EMCN: variants seen among roughly 807,000 people sequenced by gnomAD.
EMCN encodes the protein MUC-14.
Under a neutral mutation model 38.4 loss-of-function variants are expected in EMCN, and 37 were observed. The ratio of observed to expected loss-of-function variants is 0.96; its 90% CI spans 0.74 to 1.27. The LOEUF is 1.27. Among genes scored for constraint, EMCN ranks in the 50% most tolerant of loss-of-function variants. EMCN has a pLI of 0.00. For synonymous variants in EMCN, 95 were observed against 100.8 expected (o/e 0.94, Z 0.35); for missense variants, 318 against 302.8 (o/e 1.05, Z -0.37).
Position 100,421,309 on chromosome 4 carries a change from A to G in EMCN, c.637T>C (p.Tyr213His). The G allele has an allele frequency of 6.2e-7, 1 of 1,612,904 alleles. No homozygotes were observed. Among genetic ancestry groups the G allele is most frequent in the Middle Eastern group, 1.7e-4 (1 of 6,050 alleles). The change falls in exon 8 of 12, where the codon TAC becomes CAC. Residue 213 changes from tyrosine (Y) to histidine (H), a missense_variant. Physicochemically the swap from Tyr to His is moderately conservative, Grantham distance 83 (BLOSUM62 2). Coordinates refer to ENST00000296420, the MANE Select transcript of EMCN (RefSeq NM_016242.4). ...TLSVFVLVGLYRMCWKADPGT... is the reference protein window; with the variant it reads ...TLSVFVLVGLHRMCWKADPGT... Reference sequence around the variant, plus strand: ...GGATCTGCCTTCCAGCACATTCGGTACAAACCCACCAGAACAAATACTGAA... The same window carrying G: ...GGATCTGCCTTCCAGCACATTCGGTGCAAACCCACCAGAACAAATACTGAA...
chr4:100,399,489 T>C (rs1726198412), intron 11 of EMCN, among the ~76,000 whole-genome samples: 1 of 152,108 alleles, frequency 6.6e-6, no homozygotes, highest in Admixed American at 6.6e-5. Context: ...TTGGCGGCTA[T>C]GGCCTGCGGG....
chr4:100,501,699 A>G, intron 1 of EMCN, among the ~76,000 whole-genome samples: 1 of 152,132 alleles, frequency 6.6e-6, no homozygotes, highest in East Asian at 1.9e-4. Context: ...AATAATGCAC[A>G]TCTTTTATTA....
Position 100,475,100 on chromosome 4 carries a change from G to A in EMCN, c.197C>T (p.Thr66Ile). 6.7e-7 allele frequency: 1 copy of A among 1,503,530 alleles called. No homozygotes were observed. The allele number at this position is 1,503,530 out of a possible 1,614,324, so 93.1% of individuals were successfully genotyped here. A position where few individuals can be genotyped will look rare whatever the true frequency, so the allele number is the denominator to read the frequency against. Residue 66 changes from threonine to isoleucine, a missense_variant, in exon 3 of 12, where the codon ACC becomes ATC. Physicochemically the swap from Thr to Ile is moderately conservative, Grantham distance 89. Coordinates refer to ENST00000296420, the MANE Select transcript of EMCN (RefSeq NM_016242.4). ...CAGAGACATTTTAAGTAATTCATTG[G>A]TGATTGTTCCTAGTTTGATAAAATA... is the stretch of plus-strand genomic sequence containing the variant. Reference protein sequence around the residue: ...TTGTTPKGTITNELLKMSLMS... With the variant: ...TTGTTPKGTIINELLKMSLMS...
At chr4:100,474,148 T>C (rs1417468318) in intron 3 of EMCN, 2 of 152,190 alleles carry the variant, frequency 1.3e-5, no homozygotes, top group Non-Finnish European at 2.9e-5. Context: ...TATACAGAAC[T>C]CTTGCAACTC....
In EMCN at chr4:100,492,694, A is replaced by G. The variant is rs1271169243; in HGVS notation, c.65-12655T>C. Among the ~76,000 whole-genome samples the G allele has an allele frequency of 2.0e-5, 3 of 152,222 alleles. No homozygotes were observed. The East Asian group carries it at 5.8e-4, about 29-fold the overall frequency. ...AACACATCATATATAAAGGGATCCC[A>G]ATACAACTATCAACATACTTCCCAG... On this transcript the variant is annotated intron_variant, in intron 1 of 11. Transcript: ENST00000296420.
chr4:100,451,352 G>C (rs186948907), intron 4 of EMCN, among the ~76,000 whole-genome samples: 7 of 151,808 alleles, frequency 4.6e-5, no homozygotes. Context: ...TGATGAATAT[G>C]AATGTGTAGA....
chr4:100,507,155 T>G (rs865870757), intron 1 of EMCN, among the ~76,000 whole-genome samples: 20 of 152,184 alleles, frequency 1.3e-4, no homozygotes, highest in Admixed American at 6.5e-4. Flanking sequence ...GATCATTCAA[T>G]GTTAATGAAA....
At chr4:100,513,645 C>G (rs1396409812) in intron 1 of EMCN, among the ~76,000 whole-genome samples, 1 of 152,068 alleles carries the variant, frequency 6.6e-6, no homozygotes, top group African/African-American at 2.4e-5. Flanking sequence ...AATCCCTTTC[C>G]CTTATATTTG....
intron 1 of EMCN, among the ~76,000 whole-genome samples, chr4:100,483,755 C>T: frequency 6.6e-6 from 1 of 152,140 alleles, no homozygotes; most frequent in East Asian, 1.9e-4. Flanking sequence ...GACCATGATG[C>T]AAGTAACACC....
intron 1 of EMCN, among the ~76,000 whole-genome samples, chr4:100,511,231 A>G (rs1385469766): frequency 6.6e-6 from 1 of 152,210 alleles, no homozygotes; most frequent in African/African-American, 2.4e-5. Context: ...GTAACTTTAT[A>G]CTATTTCCAA....
chr4:100,466,826 T>C (rs905040780), intron 3 of EMCN, among the ~76,000 whole-genome samples: 1 of 152,170 alleles, frequency 6.6e-6, no homozygotes, highest in African/African-American at 2.4e-5. Flanking sequence ...CCACTGGAAT[T>C]CCAACATATG....
chr4:100,487,073 A>C (rs1158693707), intron 1 of EMCN: 2 of 949,866 alleles, frequency 2.1e-6, no homozygotes, highest in Middle Eastern at 5.4e-4. Flanking sequence ...TTATAAATGT[A>C]GGAGTGGGAG....
At chr4:100,420,407 G>C (rs570194150) in intron 8 of EMCN, among the ~76,000 whole-genome samples, 2 of 152,070 alleles carry the variant, frequency 1.3e-5, no homozygotes, top group African/African-American at 4.8e-5. Flanking sequence ...GTTATGAAAG[G>C]TAAGAGGTGG....
intron 2 of EMCN, among the ~76,000 whole-genome samples, chr4:100,478,394 T>C (rs1728717097): frequency 6.6e-6 from 1 of 152,198 alleles, no homozygotes; most frequent in African/African-American, 2.4e-5. Flanking sequence ...CAGATGATAC[T>C]AAAGTATTGT....
At chr4:100,433,280 G>T (rs1727253272) in intron 5 of EMCN, among the ~76,000 whole-genome samples, 1 of 152,014 alleles carries the variant, frequency 6.6e-6, no homozygotes, top group Non-Finnish European at 1.5e-5. Context: ...CCATGTTTTG[G>T]CAAATGGCAA....
chr4:100,435,616 G>C (rs1015833079), intron 5 of EMCN, among the ~76,000 whole-genome samples: 6 of 152,152 alleles, frequency 3.9e-5, no homozygotes, highest in African/African-American at 1.4e-4. Context: ...CACCCTACCT[G>C]ACTTCAAACT....
chr4:100,411,907 G>T (rs1408206546), intron 10 of EMCN, among the ~76,000 whole-genome samples: 1 of 152,040 alleles, frequency 6.6e-6, no homozygotes, highest in Non-Finnish European at 1.5e-5. Context: ...TTCTATATAT[G>T]GCTTTATAAA....
At chr4:100,494,196 T>C (rs1729154330) in intron 1 of EMCN, among the ~76,000 whole-genome samples, 1 of 152,200 alleles carries the variant, frequency 6.6e-6, no homozygotes, top group Non-Finnish European at 1.5e-5. Flanking sequence ...TATGGTATAG[T>C]TTCCAAATTA....
chr4:100,467,423 A>G (rs1288791876), intron 3 of EMCN, among the ~76,000 whole-genome samples: 2 of 152,154 alleles, frequency 1.3e-5, no homozygotes, highest in Non-Finnish European at 2.9e-5. Flanking sequence ...TCACGCCTGT[A>G]ATCCCAGCAC....
Sources: gnomAD v4.1 joint callset for allele counts (sites outside exome capture counted in the v4.1 genomes callset) on GRCh38, gnomAD v4.1.1 for gene constraint, MANE v1.5 for transcripts, NCBI Gene and HGNC (gene_info 2026-07-23, HGNC 2026-07-21) for gene names.